NLRP8: variants seen among roughly 807,000 people sequenced by gnomAD.
NLRP8 encodes NACHT, LRR and PYD domains-containing protein 8.
NLRP8 carries 86 observed loss-of-function variants against 88.7 expected under a neutral mutation model. That is an observed-to-expected ratio of 0.97 (90% CI 0.81 to 1.16). The LOEUF (loss-of-function observed/expected upper bound fraction) is 1.16, where lower values mean the gene tolerates loss of function less well. Ranked by LOEUF, NLRP8 falls within the 50% of genes most tolerant of loss-of-function variation. The pLI is 0.00. For synonymous variants in NLRP8, 504 were observed against 494.6 expected (o/e 1.02, Z -0.25); for missense variants, 1,342 against 1,286.5 (o/e 1.04, Z -0.66).
At chr19:55,976,727 A>AATATGTATCTAAAGAGACAAATATATGC (rs1980347948) in intron 8 of NLRP8, among the ~76,000 whole-genome samples, 1 of 111,434 alleles carries the variant, frequency 9.0e-6, no homozygotes, top group Admixed American at 1.0e-4. Flanking sequence ...TACATATATA[A>AATATGTATCTAAAGAGACAAATATATGC]ATATATATGT....
In NLRP8 at chr19:55,978,490, C is replaced by G. The variant is rs935132790; in HGVS notation, c.2877-904C>G. 4.6e-5 allele frequency among the ~76,000 whole-genome samples: 7 copies of G among 152,050 alleles called. No homozygotes were observed. The East Asian group carries it at 1.3e-3, about 29-fold the overall frequency. On this transcript the variant is annotated intron_variant, in intron 8 of 9. Coordinates refer to ENST00000291971, the MANE Select transcript of NLRP8 (RefSeq NM_176811.2). ...TGAGAGCCTTAGTGCTGGGGGGATT[C>G]TCTGCAGGGTCACTAGTGAGTCACT...
intron 4 of NLRP8, among the ~76,000 whole-genome samples, chr19:55,965,297 A>G (rs1333979576): frequency 6.6e-6 from 1 of 152,068 alleles, no homozygotes; most frequent in Non-Finnish European, 1.5e-5. Flanking sequence ...TTAAAAATAC[A>G]AAAATTAGCC....
Position 55,955,639 on chromosome 19 carries a change from C to A in NLRP8, c.1581C>A (p.Leu527=), listed in dbSNP as rs913390661. 6 of 1,614,054 alleles carry A rather than the reference C, an allele frequency of 3.7e-6. No homozygotes were observed. Among genetic ancestry groups the A allele is most frequent in the Non-Finnish European group, 4.2e-6 (5 of 1,180,036 alleles). Residue 527 remains leucine (L), a synonymous_variant, in exon 3 of 10, where the codon CTC becomes CTA. Coordinates refer to ENST00000291971, the MANE Select transcript of NLRP8 (RefSeq NM_176811.2). The stretch of plus-strand genomic sequence containing the variant: ...ATGTTCTCTGTTTCCCACAAAGACT[C>A]AAAAATTTTCATGTGTTGAGCCACG...
At chr19:55,957,451 C>G (rs549668064) in intron 3 of NLRP8, among the ~76,000 whole-genome samples, 1 of 151,332 alleles carries the variant, frequency 6.6e-6, no homozygotes, top group Non-Finnish European at 1.5e-5. Context: ...TTTGGGAGGC[C>G]GAGGCAGGTG....
In NLRP8 at chr19:55,948,146, G is replaced by A; in HGVS notation, c.244G>A (p.Ala82Thr). ...GGACCAGGTCGAGACAGCCAGCTGG[G>A]CAGAGGTGGTTCATCTCTTGATAGA... Residue 82 changes from alanine to threonine, a missense_variant, in exon 1 of 10, where the codon GCA (alanine) becomes ACA (threonine). Ala to Thr is a moderately conservative substitution (Grantham distance 58, BLOSUM62 0). Transcript: ENST00000291971. 6.2e-7 allele frequency: 1 copy of A among 1,614,194 alleles called. No homozygotes were observed. The highest frequency in any genetic ancestry group is 1.3e-5 in the African/African-American group (1 of 75,056).
In NLRP8 at chr19:55,987,992, C is replaced by CTGTA; in HGVS notation, c.*82_*85dup. The CTGTA allele has an allele frequency of 9.4e-7, 1 of 1,064,924 alleles. No homozygotes were observed. 66.0% of individuals were successfully genotyped at this position (1,064,924 alleles called of 1,614,324 possible). On this transcript the variant is annotated 3_prime_UTR_variant, in exon 10 of 10. Transcript: ENST00000291971. ...CTGGCAAATACCAGGCGTTATCATCCTGTATGCATTAACGTACTTTCCCCT... is the reference window on the plus strand; with the variant it reads ...CTGGCAAATACCAGGCGTTATCATCCTGTATGTATGCATTAACGTACTTTCCCCT...
In NLRP8 at chr19:55,962,222, A is replaced by G. The variant is rs755420686; in HGVS notation, c.2198A>G (p.Lys733Arg). The G allele has an allele frequency of 3.7e-6, 6 of 1,613,374 alleles. No homozygotes were observed. In the African/African-American group the frequency reaches 8.0e-5, roughly 22 times the overall value. Residue 733 changes from lysine to arginine, a missense_variant, in exon 4 of 10, where the codon AAA becomes AGA. Physicochemically the swap from Lys to Arg is conservative, Grantham distance 26 (BLOSUM62 2). Transcript: ENST00000291971. ...GCCGCACTGAGGCACCCTCAGTGCAAACTGCAAAAGCTACTGTGAGTATAA... is the reference window on the plus strand; with the variant it reads ...GCCGCACTGAGGCACCCTCAGTGCAGACTGCAAAAGCTACTGTGAGTATAA...
intron 1 of NLRP8, among the ~76,000 whole-genome samples, chr19:55,949,788 G>A (rs773214355): frequency 6.6e-6 from 1 of 152,192 alleles, no homozygotes; most frequent in Non-Finnish European, 1.5e-5. Context: ...CATAAACACA[G>A]GAGAGTGGGT....
Position 55,955,754 on chromosome 19 carries a change from G to T in NLRP8, c.1696G>T (p.Ala566Ser). ...TTTCTTATTCGGTTTTCTGAACGAG[G>T]CCTGCGCTTCGGCCGTGGAACAGTC... The change falls in exon 3 of 10, where the codon GCC becomes TCC. Residue 566 changes from alanine to serine, a missense_variant. Ala to Ser is a moderately conservative substitution (Grantham distance 99). Coordinates refer to ENST00000291971, the MANE Select transcript of NLRP8 (RefSeq NM_176811.2). The T allele has an allele frequency of 6.2e-7, 1 of 1,614,158 alleles. No individual in the cohort carries two copies. The highest frequency in any genetic ancestry group is 1.1e-5 in the South Asian group (1 of 91,076).
At chr19:55,976,789 G>T (rs188654274) in intron 8 of NLRP8, among the ~76,000 whole-genome samples, 16 of 150,496 alleles carry the variant, frequency 1.1e-4, no homozygotes, top group Non-Finnish European at 1.2e-4. Context: ...TGTATATAAA[G>T]ATACATGTGG....
chr19:55,956,041 C>T lies in NLRP8; in HGVS notation c.1983C>T (p.Thr661=), dbSNP rs759707604. 4.3e-6 allele frequency: 7 copies of T among 1,613,962 alleles called. No individual in the cohort carries two copies. The highest frequency in any genetic ancestry group is 5.9e-6 in the Non-Finnish European group (7 of 1,180,010). Residue 661 remains threonine (T), a synonymous_variant, in exon 3 of 10, where the codon ACC becomes ACT. Transcript: ENST00000291971. ...AATATTTGCATGAGGTGGAACTGAC[C>T]GTCACCCTGAACTTCATGAACGTGT...
At chr19:55,976,015 A>C (rs1980295769) in intron 7 of NLRP8, 118 bp from the exon 8 acceptor site, 1 of 1,035,120 alleles carries the variant, frequency 9.7e-7, no homozygotes, top group Non-Finnish European at 1.4e-6. Context: ...AAAACAAACA[A>C]ATAAAAACAG....
At position 55,965,877 on chromosome 19, in the gene NLRP8, C is replaced by G. The variant is rs928839789; in HGVS notation, c.2214-336C>G. Among the ~76,000 whole-genome samples, 4 of 134,794 alleles carry G rather than the reference C, an allele frequency of 3.0e-5. No homozygotes were observed. In the East Asian group the frequency reaches 9.7e-4, roughly 33 times the overall value. The allele number at this position is 134,794 out of a possible 152,430, so 88.4% of individuals were successfully genotyped here. ...GTGTCCATGTGTTCTCATTGTTGAA[C>G]TCCCACTTATGAGTGAGAACATGCG... On this transcript the variant is annotated intron_variant, in intron 4 of 9. Transcript: ENST00000291971.
At chr19:55,956,782 C>T (rs1979375803) in intron 3 of NLRP8, among the ~76,000 whole-genome samples, 1 of 152,016 alleles carries the variant, frequency 6.6e-6, no homozygotes, top group South Asian at 2.1e-4. Flanking sequence ...AAGATGGGAC[C>T]TTGCTTCATC....
chr19:55,965,818 C>T (rs947469273), intron 4 of NLRP8, among the ~76,000 whole-genome samples: 5 of 148,838 alleles, frequency 3.4e-5, no homozygotes, highest in African/African-American at 1.2e-4. Context: ...CCCCCACCCC[C>T]CCAGAGGCCC....
At chr19:55,957,664 AAAT>A (rs1232666006) in intron 3 of NLRP8, among the ~76,000 whole-genome samples, 228 of 92,840 alleles carry the variant, frequency 2.5e-3, no homozygotes, top group African/African-American at 0.013. Flanking sequence ...AAAAAAGAAA[AAAT>A]AATAATTATA....
rs535321291 is a variant in NLRP8, at chr19:55,979,407, C to T, written c.2890C>T (p.Leu964=). 24 of 1,613,822 alleles carry T rather than the reference C, an allele frequency of 1.5e-5. No individual in the cohort carries two copies. In the East Asian group the frequency reaches 4.7e-4, roughly 31 times the overall value. ...TCTGTGTCACAGGCTGGAAAACTGC[C>T]TGTTCACCTCCATCTGCTGCCAGGC... Residue 964 remains leucine (L), a synonymous_variant, in exon 9 of 10, where the codon CTG becomes TTG. Transcript: ENST00000291971.
intron 7 of NLRP8, among the ~76,000 whole-genome samples, chr19:55,975,334 G>A (rs977096002): frequency 4.6e-5 from 7 of 152,220 alleles, no homozygotes; most frequent in African/African-American, 1.7e-4. Flanking sequence ...AAAAGAAGCA[G>A]GGAACGGTGC....
chr19:55,970,471 T>C, intron 5 of NLRP8, 73 bp from the exon 6 acceptor site: 2 of 1,521,718 alleles, frequency 1.3e-6, no homozygotes, highest in South Asian at 2.4e-5. Context: ...CATGAGACAG[T>C]GGAATCCAGG....
Sources: allele counts gnomAD v4.1 joint callset (sites outside exome capture counted in the v4.1 genomes callset), GRCh38; gene constraint gnomAD v4.1.1; transcripts MANE v1.5; gene names NCBI Gene and HGNC (gene_info 2026-07-23, HGNC 2026-07-21).